PRDM2: variants seen among roughly 807,000 people sequenced by gnomAD.
The protein encoded by PRDM2 is PR/SET domain 2.
A neutral mutation model predicts 130.0 loss-of-function variants in PRDM2; 30 were observed. The ratio of observed to expected loss-of-function variants is 0.23; its 90% CI spans 0.17 to 0.31. The LOEUF is 0.31. Ranked by LOEUF, PRDM2 falls within the 10% of genes least tolerant of loss-of-function variation. The probability of loss-of-function intolerance (pLI) is 1.00; values close to 1 mark genes in which losing one functional copy is unlikely to be tolerated. For synonymous variants in PRDM2, 871 were observed against 782.4 expected (o/e 1.11, Z -1.89); for missense variants, 2,011 against 2,108.4 (o/e 0.95, Z 0.90).
chr1:13,800,484 A>G (rs572444505), intron 8 of PRDM2, among the ~76,000 whole-genome samples: 33 of 152,138 alleles, frequency 2.2e-4, no homozygotes, highest in Non-Finnish European at 3.4e-4. Context: ...AAATCATTGG[A>G]GGTGGGTGAG....
At chr1:13,801,583 C>T (rs1645007508) in intron 8 of PRDM2, among the ~76,000 whole-genome samples, 1 of 152,168 alleles carries the variant, frequency 6.6e-6, no homozygotes, top group Admixed American at 6.5e-5. Flanking sequence ...CTTCTCTGTG[C>T]CTTAGTTCCT....
intron 8 of PRDM2, chr1:13,787,954 C>T: frequency 2.3e-5 from 23 of 985,322 alleles, no homozygotes; most frequent in Non-Finnish European, 2.8e-5. Context: ...GCATTGAAAT[C>T]ATTGGGGCTT....
chr1:13,787,690 T>G (rs747524358), intron 8 of PRDM2: 368 of 983,666 alleles, frequency 3.7e-4, no homozygotes, highest in Non-Finnish European at 4.4e-4. Context: ...AATTGTATTA[T>G]ATGTGATTTA....
chr1:13,776,343 C>A (rs1202099855), intron 7 of PRDM2, among the ~76,000 whole-genome samples: 1 of 152,098 alleles, frequency 6.6e-6, no homozygotes, highest in Non-Finnish European at 1.5e-5. Context: ...CTCCGTGGAA[C>A]CTTTCTTAAC....
At chr1:13,762,627 G>C (rs1017651328) in intron 6 of PRDM2, among the ~76,000 whole-genome samples, 1 of 152,102 alleles carries the variant, frequency 6.6e-6, no homozygotes, top group Admixed American at 6.5e-5. Context: ...CCCTATATTG[G>C]CAAAAAATAG....
chr1:13,783,250 C>T (rs1396103851), intron 8 of PRDM2: 1 of 471,126 alleles, frequency 2.1e-6, no homozygotes, highest in Non-Finnish European at 4.2e-6. Context: ...ATGTTACAAT[C>T]TTGTTTAATA....
At chr1:13,776,898 A>G (rs1262733189) in intron 7 of PRDM2, among the ~76,000 whole-genome samples, 1 of 152,160 alleles carries the variant, frequency 6.6e-6, no homozygotes, top group Non-Finnish European at 1.5e-5. Flanking sequence ...CATCCAGTCC[A>G]GTGCTCTAAA....
chr1:13,768,074 G>GTTTTTT (rs774757778), intron 6 of PRDM2, among the ~76,000 whole-genome samples: 2 of 117,754 alleles, frequency 1.7e-5, no homozygotes, highest in Non-Finnish European at 3.6e-5. Context: ...TTGTCCTTGA[G>GTTTTTT]TTTTTTTTTT....
In PRDM2 at chr1:13,801,247, T is replaced by C. The variant is rs1263339655; in HGVS notation, c.5037-15180T>C. ...CCACTCTCCTGGAACTAAGTAGGGA[T>C]AGGCTTTGACAAAGCCATCCCTTGC... On this transcript the variant is annotated intron_variant, in intron 8 of 9. Coordinates refer to ENST00000311066, the MANE Select transcript of PRDM2 (RefSeq NM_001393986.1). Among the ~76,000 whole-genome samples, 46 of 152,244 alleles carry C rather than the reference T, an allele frequency of 3.0e-4. 1 individual carries two copies. Among genetic ancestry groups the C allele is most frequent in the Admixed American group, 3.0e-3 (46 of 15,288 alleles).
chr1:13,733,155 A>G (rs1056423973), intron 4 of PRDM2, among the ~76,000 whole-genome samples: 7 of 152,164 alleles, frequency 4.6e-5, no homozygotes, highest in African/African-American at 1.7e-4. Flanking sequence ...TGCAACTAAG[A>G]CCGTGACTTC....
chr1:13,718,774 A>G (rs1642630035), intron 2 of PRDM2, among the ~76,000 whole-genome samples: 1 of 152,064 alleles, frequency 6.6e-6, no homozygotes, highest in Admixed American at 6.5e-5. Flanking sequence ...CCTTCTCTCC[A>G]TTCTCAGATC....
In PRDM2 at chr1:13,780,945, A is replaced by G. The variant is rs529053203; in HGVS notation, c.3150A>G (p.Thr1050=). The change falls in exon 8 of 10, where the codon ACA becomes ACG. Residue 1050 remains threonine (T), a synonymous_variant. Transcript: ENST00000311066. ...CTGCCGCCTCACCCGGGCCTCCAAC[A>G]CTTTCTTCTTCCTCCTCTTCATCTT... ...LMSAASPGPP[T]LSSSSSSSSS... The G allele has an allele frequency of 1.9e-6, 3 of 1,608,942 alleles. No individual in the cohort carries two copies. Among genetic ancestry groups the G allele is most frequent in the Non-Finnish European group, 2.5e-6 (3 of 1,176,578 alleles).
intron 1 of PRDM2, chr1:13,704,706 T>C (rs760156165): frequency 6.6e-6 from 1 of 152,244 alleles, no homozygotes; most frequent in Non-Finnish European, 1.5e-5. Context: ...TATGTTAAAC[T>C]CTGGTGGGAT....
At chr1:13,764,582 G>GTTAT (rs1241276593) in intron 6 of PRDM2, among the ~76,000 whole-genome samples, 1 of 152,200 alleles carries the variant, frequency 6.6e-6, no homozygotes, top group Non-Finnish European at 1.5e-5. Flanking sequence ...TTTTCTGACA[G>GTTAT]CATAAAAGCT....
rs1256489475 is a variant in PRDM2, at chr1:13,791,576, T to C, written c.5036+8745T>C. On this transcript the variant is annotated intron_variant, in intron 8 of 9. Coordinates refer to ENST00000311066, the MANE Select transcript of PRDM2 (RefSeq NM_001393986.1). Reference sequence around the variant, plus strand: ...GCTGCCTCCCGACTTCAGCAAATAGTGTGTTTGTTACATGCAAAACAAACA... The same window carrying C: ...GCTGCCTCCCGACTTCAGCAAATAGCGTGTTTGTTACATGCAAAACAAACA... 2.0e-5 allele frequency among the ~76,000 whole-genome samples: 3 copies of C among 152,170 alleles called. No individual in the cohort carries two copies. In the East Asian group the frequency reaches 5.8e-4, roughly 29 times the overall value.
chr1:13,767,765 A>G (rs1206208905), intron 6 of PRDM2, among the ~76,000 whole-genome samples: 1 of 152,134 alleles, frequency 6.6e-6, no homozygotes, highest in Non-Finnish European at 1.5e-5. Flanking sequence ...TGCTGAGCCC[A>G]GGAGTTCGAG....
At chr1:13,704,353 A>C (rs1157991751) in intron 1 of PRDM2, among the ~76,000 whole-genome samples, 1 of 151,286 alleles carries the variant, frequency 6.6e-6, no homozygotes. Context: ...ATATGCTTAC[A>C]GTATTTTTCT....
At chr1:13,775,403 G>A (rs372988310) in intron 7 of PRDM2, among the ~76,000 whole-genome samples, 5 of 152,164 alleles carry the variant, frequency 3.3e-5, no homozygotes, top group African/African-American at 7.2e-5. Flanking sequence ...GGCAGTATTC[G>A]GGGTCTCTAT....
intron 7 of PRDM2, among the ~76,000 whole-genome samples, chr1:13,775,498 G>A (rs139537816): frequency 1.2e-3 from 189 of 152,306 alleles, no homozygotes; most frequent in African/African-American, 4.5e-3. Context: ...TTTGTGGAAA[G>A]CTCATGGAAT....
Sources: gnomAD v4.1 joint callset for allele counts (sites outside exome capture counted in the v4.1 genomes callset) on GRCh38, gnomAD v4.1.1 for gene constraint, MANE v1.5 for transcripts, NCBI Gene and HGNC (gene_info 2026-07-23, HGNC 2026-07-21) for gene names.